DLG2: variants seen among roughly 807,000 people sequenced by gnomAD.
The protein encoded by DLG2 is discs large MAGUK scaffold protein 2, also known as disks large homolog 2.
DLG2 carries 45 observed loss-of-function variants against 132.5 expected under a neutral mutation model. The ratio of observed to expected loss-of-function variants is 0.34; its 90% CI spans 0.27 to 0.44. The LOEUF (loss-of-function observed/expected upper bound fraction) is 0.44. Among genes scored for constraint, DLG2 ranks in the 20% least tolerant of loss-of-function variants. DLG2 has a pLI of 1.00. For missense variants in DLG2, 1,045 were observed against 1,196.9 expected (o/e 0.87, Z 1.87); for synonymous variants, 424 against 419.6 (o/e 1.01, Z -0.13).
chr11:85,397,647 G>C (rs187564333), intron 3 of DLG2, among the ~76,000 whole-genome samples: 104 of 152,170 alleles, frequency 6.8e-4, no homozygotes, highest in African/African-American at 2.4e-3. Context: ...TGATAAAACA[G>C]ACTTTAAACC....
At chr11:84,360,252 G>T (rs7947614) in intron 7 of DLG2, among the ~76,000 whole-genome samples, 64,411 of 151,616 alleles carry the variant, frequency 0.42, 19,182 homozygotes, top group African/African-American at 0.86. Context: ...TGTGATTATA[G>T]GGGTAGAAGG....
At chr11:84,288,072 G>A (rs1038782481) in intron 7 of DLG2, among the ~76,000 whole-genome samples, 1 of 151,780 alleles carries the variant, frequency 6.6e-6, no homozygotes, top group African/African-American at 2.4e-5. Flanking sequence ...AGATGAGTCT[G>A]GGTAGCTATT....
At chr11:85,271,272 A>G (rs746351841) in intron 4 of DLG2, among the ~76,000 whole-genome samples, 1 of 152,242 alleles carries the variant, frequency 6.6e-6, no homozygotes, top group African/African-American at 2.4e-5. Flanking sequence ...ATGGGTACAC[A>G]GAAGTCAAGA....
At chr11:84,045,293 A>G (rs1259658565) in intron 11 of DLG2, among the ~76,000 whole-genome samples, 2 of 151,680 alleles carry the variant, frequency 1.3e-5, no homozygotes, top group Admixed American at 6.6e-5. Context: ...GTTTACCTTC[A>G]GGTTACCTAT....
chr11:83,706,496 C>T (rs1300145089), intron 18 of DLG2, among the ~76,000 whole-genome samples: 1 of 152,182 alleles, frequency 6.6e-6, no homozygotes. Context: ...CTTCCATAAT[C>T]CCCAGGAAAG....
At position 83,532,444 on chromosome 11, in the gene DLG2, C is replaced by T. The variant is rs79988891; in HGVS notation, c.2193+264G>A. On this transcript the variant is annotated intron_variant, in intron 21 of 27. Transcript: ENST00000376104. ...CAAAAACCACCTAAACTATCTTGTT[C>T]TTCTTCATTGTAGTCATTACATCAC... is the stretch of plus-strand genomic sequence containing the variant. 3.5e-4 allele frequency among the ~76,000 whole-genome samples: 53 copies of T among 152,212 alleles called. No homozygotes were observed. In the East Asian group the frequency reaches 9.6e-3, roughly 28 times the overall value.
intron 6 of DLG2, among the ~76,000 whole-genome samples, chr11:84,682,154 C>T (rs142402373): frequency 6.6e-6 from 1 of 152,234 alleles, no homozygotes; most frequent in Admixed American, 6.5e-5. Flanking sequence ...ACCCAAACAC[C>T]TCGCATTAAG....
intron 4 of DLG2, among the ~76,000 whole-genome samples, chr11:85,171,951 G>A (rs1160077151): frequency 6.6e-6 from 1 of 152,204 alleles, no homozygotes; most frequent in Non-Finnish European, 1.5e-5. Context: ...ACAGAACTCT[G>A]ATCTCTCCCT....
intron 6 of DLG2, among the ~76,000 whole-genome samples, chr11:84,647,975 CAAT>C (rs1413771132): frequency 6.6e-6 from 1 of 152,078 alleles, no homozygotes; most frequent in African/African-American, 2.4e-5. Context: ...TTCATTCTCA[CAAT>C]AATGCCATAA....
At chr11:84,835,305 C>T (rs1329205416) in intron 6 of DLG2, among the ~76,000 whole-genome samples, 1 of 151,498 alleles carries the variant, frequency 6.6e-6, no homozygotes, top group East Asian at 1.9e-4. Context: ...AACTTTAGTT[C>T]TGGAGGTAGA....
chr11:84,571,715 T>C (rs966612303), intron 6 of DLG2, among the ~76,000 whole-genome samples: 1 of 152,078 alleles, frequency 6.6e-6, no homozygotes, highest in Non-Finnish European at 1.5e-5. Flanking sequence ...TAGTTAATAG[T>C]ATAGATCTGG....
chr11:84,140,747 C>T (rs1387262806), intron 9 of DLG2, among the ~76,000 whole-genome samples: 1 of 152,094 alleles, frequency 6.6e-6, no homozygotes, highest in East Asian at 1.9e-4. Flanking sequence ...TGCTTTCAGG[C>T]TTTCAATATT....
chr11:84,840,343 G>A (rs2080463277), intron 6 of DLG2, among the ~76,000 whole-genome samples: 1 of 152,148 alleles, frequency 6.6e-6, no homozygotes, highest in Admixed American at 6.6e-5. Flanking sequence ...GGAAACAACA[G>A]GTGCTGGAGA....
intron 3 of DLG2, among the ~76,000 whole-genome samples, chr11:85,468,451 T>G (rs2092875963): frequency 6.6e-6 from 1 of 152,208 alleles, no homozygotes. Flanking sequence ...GGGCATTTAG[T>G]GCTATAGATT....
At chr11:83,580,388 A>G (rs551969431) in intron 19 of DLG2, among the ~76,000 whole-genome samples, 9 of 151,948 alleles carry the variant, frequency 5.9e-5, no homozygotes, top group African/African-American at 2.2e-4. Context: ...ATTGAGCACT[A>G]CTCTCTGCTA....
At chr11:85,473,689 C>A (rs2093055394) in intron 3 of DLG2, among the ~76,000 whole-genome samples, 1 of 151,792 alleles carries the variant, frequency 6.6e-6, no homozygotes, top group Admixed American at 6.6e-5. Flanking sequence ...AAAAAGTATT[C>A]TACAGTTCAG....
chr11:84,973,446 T>C (rs1243166922), intron 6 of DLG2, among the ~76,000 whole-genome samples: 1 of 152,180 alleles, frequency 6.6e-6, no homozygotes, highest in Non-Finnish European at 1.5e-5. Context: ...GGTATTTCGT[T>C]GTCCAGATGC....
chr11:84,224,604 T>C (rs549868245), intron 8 of DLG2, among the ~76,000 whole-genome samples: 356 of 152,294 alleles, frequency 2.3e-3, no homozygotes, highest in Non-Finnish European at 3.9e-3. Flanking sequence ...TCCTATGTGA[T>C]AGATATTATT....
chr11:85,246,876 T>C (rs2076159982), intron 4 of DLG2, among the ~76,000 whole-genome samples: 1 of 152,092 alleles, frequency 6.6e-6, no homozygotes, highest in Non-Finnish European at 1.5e-5. Flanking sequence ...CAATCAGTAT[T>C]ACATAGTAAC....
Sources: gnomAD v4.1 joint callset for allele counts (sites outside exome capture counted in the v4.1 genomes callset) on GRCh38, gnomAD v4.1.1 for gene constraint, MANE v1.5 for transcripts, NCBI Gene and HGNC (gene_info 2026-07-23, HGNC 2026-07-21) for gene names.